The following TOMM40 variants were observed in gnomAD, a reference collection of about 807,000 sequenced individuals.
The protein encoded by TOMM40 is mitochondrial import receptor subunit TOM40 homolog.
In TOMM40, 9 loss-of-function variants were observed where a neutral mutation model predicts 38.4. The observed-to-expected ratio is 0.23, with a 90% CI of 0.14 to 0.41. The LOEUF (loss-of-function observed/expected upper bound fraction) is 0.41, where lower values mean the gene tolerates loss of function less well. TOMM40 is among the 10% of genes least tolerant of loss of function. The pLI is 1.00. For synonymous variants in TOMM40, 184 were observed against 210.0 expected (o/e 0.88, Z 1.07); for missense variants, 299 against 486.5 (o/e 0.61, Z 3.63).
intron 5 of TOMM40, among the ~76,000 whole-genome samples, chr19:44,896,215 C>G (rs775043825): frequency 1.2e-4 from 17 of 147,320 alleles, no homozygotes; most frequent in Non-Finnish European, 2.4e-4. Flanking sequence ...CTCTTCCTTC[C>G]CCCAGACACC....
intron 5 of TOMM40, among the ~76,000 whole-genome samples, chr19:44,897,679 C>G (rs1425654321): frequency 1.3e-5 from 2 of 151,148 alleles, no homozygotes; most frequent in African/African-American, 4.9e-5. Context: ...GAGGCTGAGG[C>G]AGGAGAGTCA....
Position 44,892,416 on chromosome 19 carries a change from G to A in TOMM40, c.298G>A (p.Gly100Ser). The change falls in exon 2 of 9, where the codon GGT becomes AGT. Residue 100 changes from glycine (G) to serine (S), a missense_variant. Coordinates refer to ENST00000426677, the MANE Select transcript of TOMM40 (RefSeq NM_001128917.2). ...CKELFPIQME[G>S]VKLTVNKGLS... ...AGAGCTGTTTCCCATTCAGATGGAG[G>A]GTGTCAAGCTCACAGTCAACAAAGG... 6.2e-7 allele frequency: 1 copy of A among 1,613,516 alleles called. No individual in the cohort carries two copies.
chr19:44,900,649 G>T, intron 5 of TOMM40, 81 bp from the exon 6 acceptor site: 1 of 1,607,316 alleles, frequency 6.2e-7, no homozygotes, highest in East Asian at 2.2e-5. Context: ...TCCAGCCGGG[G>T]TGAGCCTAGA....
rs538205221 is a variant in TOMM40, at chr19:44,891,295, G to C, written c.-121G>C. 59 of 1,190,822 alleles carry C rather than the reference G, an allele frequency of 5.0e-5. No individual in the cohort carries two copies. The East Asian group carries it at 2.0e-3, about 40-fold the overall frequency. 73.8% of individuals were successfully genotyped at this position (1,190,822 alleles called of 1,614,324 possible). A position where few individuals can be genotyped will look rare whatever the true frequency, so the allele number is the denominator to read the frequency against. On this transcript the variant is annotated 5_prime_UTR_variant, in exon 1 of 9. Transcript: ENST00000426677. ...ACGGGGTGGGAGCGGAGCCCAGGCC[G>C]GGAGCAGGCGCCGCCGCCAGTGAGA... is the stretch of plus-strand genomic sequence containing the variant.
At position 44,892,727 on chromosome 19, in the gene TOMM40, C is replaced by A. The variant is rs897168432; in HGVS notation, c.343-110C>A. On this transcript the variant is annotated intron_variant, in intron 2 of 8. Transcript: ENST00000426677. ...CCTTTCTCTGAGTCTCTTAGTCAGG[C>A]CGTGCCTCCCAGTCTTCATCCCCTG... 16 of 917,696 alleles carry A rather than the reference C, an allele frequency of 1.7e-5. No homozygotes were observed. In the African/African-American group the frequency reaches 2.5e-4, roughly 14 times the overall value. 56.8% of individuals were successfully genotyped at this position (917,696 alleles called of 1,614,324 possible). A position where few individuals can be genotyped will look rare whatever the true frequency, so the allele number is the denominator to read the frequency against.
chr19:44,895,692 G>A (rs1289050383), intron 5 of TOMM40, among the ~76,000 whole-genome samples: 9 of 152,088 alleles, frequency 5.9e-5, no homozygotes, highest in Middle Eastern at 3.4e-3. Flanking sequence ...GACTACAGGC[G>A]CGCGCCACCA....
At chr19:44,892,792 A>G (rs2122741246) in intron 2 of TOMM40, 45 bp from the exon 3 acceptor site, 1 of 1,519,912 alleles carries the variant, frequency 6.6e-7, no homozygotes, top group Non-Finnish European at 9.1e-7. Flanking sequence ...TTCAGTGGGC[A>G]AGCCTATCTG....
rs367746029 is a variant in TOMM40, at chr19:44,894,411, G to A, written c.643+345G>A. The stretch of plus-strand genomic sequence containing the variant: ...CGAGTAGCTGGGATTACAGGCATGC[G>A]CTACCACGCCTGGCTAATTTTTGTA... On this transcript the variant is annotated intron_variant, in intron 5 of 8. Transcript: ENST00000426677. 3.1e-3 allele frequency among the ~76,000 whole-genome samples: 466 copies of A among 152,066 alleles called. 4 individuals are homozygous for A. Among genetic ancestry groups the A allele is most frequent in the African/African-American group, 0.011 (448 of 41,480 alleles).
rs1969461063 is a variant in TOMM40 at position 44,891,469 on chromosome 19, T to C, written c.54T>C (p.Pro18=). ...SSPPAGPPPP[P]APALVGLPPP... is the part of the protein sequence containing the mutation. ...CGCCCGCAGGGCCGCCACCGCCGCCTGCGCCGGCCCTCGTGGGGCTGCCGC... is the reference window on the plus strand; with the variant it reads ...CGCCCGCAGGGCCGCCACCGCCGCCCGCGCCGGCCCTCGTGGGGCTGCCGC... Residue 18 remains proline, a synonymous_variant, in exon 1 of 9, where the codon CCT becomes CCC. Transcript: ENST00000426677. 7.7e-7 allele frequency: 1 copy of C among 1,303,830 alleles called. No individual in the cohort carries two copies. 80.8% of individuals were successfully genotyped at this position (1,303,830 alleles called of 1,614,324 possible). A position where few individuals can be genotyped will look rare whatever the true frequency, so the allele number is the denominator to read the frequency against.
At chr19:44,892,805 C>A in intron 2 of TOMM40, 32 bp from the exon 3 acceptor site, 4 of 1,562,652 alleles carry the variant, frequency 2.6e-6, no homozygotes, top group Non-Finnish European at 8.8e-7. Flanking sequence ...CCTATCTGTC[C>A]AGTATCGTCA....
At chr19:44,893,002 G>C (rs897284030) in intron 3 of TOMM40, 73 bp downstream of exon 3, 2 of 1,301,984 alleles carry the variant, frequency 1.5e-6, no homozygotes, top group Admixed American at 2.1e-5. Flanking sequence ...AAGCTAAGAC[G>C]GCCTCATCAG....
At chr19:44,901,462 G>A in intron 8 of TOMM40, 152 bp downstream of exon 8, 2 of 1,471,948 alleles carry the variant, frequency 1.4e-6, no homozygotes. Flanking sequence ...GGTAGGTGGG[G>A]CCGGGTGCGG....
intron 5 of TOMM40, among the ~76,000 whole-genome samples, chr19:44,899,312 A>T (rs1264528299): frequency 6.6e-6 from 1 of 151,278 alleles, no homozygotes; most frequent in African/African-American, 2.4e-5. Flanking sequence ...ATGCCTGGCT[A>T]CGTTTTTAAA....
chr19:44,891,387 CCCTCTGA>C lies in TOMM40; in HGVS notation c.-23_-17del. ...GGGGGCGCGCGGGCCCTGACCTCTG[CCCTCTGA>C]CCTCTCCCCTAGCAGGCGACCATGG... is the stretch of plus-strand genomic sequence containing the variant. On this transcript the variant is annotated 5_prime_UTR_variant, in exon 1 of 9. Coordinates refer to ENST00000426677, the MANE Select transcript of TOMM40 (RefSeq NM_001128917.2). 3.2e-6 allele frequency: 4 copies of C among 1,257,498 alleles called. No individual in the cohort carries two copies. The highest frequency in any genetic ancestry group is 4.0e-6 in the Non-Finnish European group (4 of 1,002,100). The allele number at this position is 1,257,498 out of a possible 1,614,324, so 77.9% of individuals were successfully genotyped here.
intron 5 of TOMM40, among the ~76,000 whole-genome samples, chr19:44,899,693 A>T (rs976420366): frequency 7.0e-6 from 1 of 143,288 alleles, no homozygotes; most frequent in East Asian, 2.2e-4. Context: ...GGGTCTCACT[A>T]TGTCACCTAG....
chr19:44,901,986 A>C (rs1568611619), intron 8 of TOMM40: 1 of 152,068 alleles, frequency 6.6e-6, no homozygotes, highest in Non-Finnish European at 1.5e-5. Flanking sequence ...GCTACTTAGG[A>C]GGCTGAGGCA....
Position 44,891,408 on chromosome 19 carries a change from A to T in TOMM40, c.-8A>T, listed in dbSNP as rs954484836. The T allele has an allele frequency of 1.0e-5, 13 of 1,284,312 alleles. No homozygotes were observed. The African/African-American group carries it at 1.7e-4, about 17-fold the overall frequency. 79.6% of individuals were successfully genotyped at this position (1,284,312 alleles called of 1,614,324 possible). Reference sequence around the variant, plus strand: ...TCTGCCCTCTGACCTCTCCCCTAGCAGGCGACCATGGGGAACGTGTTGGCT... The same window carrying T: ...TCTGCCCTCTGACCTCTCCCCTAGCTGGCGACCATGGGGAACGTGTTGGCT... On this transcript the variant is annotated 5_prime_UTR_variant, in exon 1 of 9. Coordinates refer to ENST00000426677, the MANE Select transcript of TOMM40 (RefSeq NM_001128917.2).
chr19:44,903,480 G>A lies in TOMM40; in HGVS notation c.*311G>A. 1 of 301,310 alleles carries A rather than the reference G, an allele frequency of 3.3e-6. No homozygotes were observed. The allele number at this position is 301,310 out of a possible 1,614,324, so 18.7% of individuals were successfully genotyped here. ...GAGGCGGCCAGACAACCTCAGGGAG[G>A]AGTGTCCTGGCGTCCCCATCCTCCA... is the stretch of plus-strand genomic sequence containing the variant. On this transcript the variant is annotated 3_prime_UTR_variant, in exon 9 of 9. Transcript: ENST00000426677.
At chr19:44,893,481 T>C (rs972544195) in intron 3 of TOMM40, among the ~76,000 whole-genome samples, 1 of 152,208 alleles carries the variant, frequency 6.6e-6, no homozygotes, top group Non-Finnish European at 1.5e-5. Context: ...CAAACCTTCA[T>C]TGCACAACAC....
Sources: allele counts gnomAD v4.1 joint callset (sites outside exome capture counted in the v4.1 genomes callset), GRCh38; gene constraint gnomAD v4.1.1; transcripts MANE v1.5; gene names NCBI Gene and HGNC (gene_info 2026-07-23, HGNC 2026-07-21).